Variants in MUC5AC observed in about 807,000 individuals in gnomAD.
MUC5AC encodes mucin 5AC, oligomeric mucus/gel-forming, also known as mucin-5AC.
In MUC5AC, 158 loss-of-function variants were observed where a neutral mutation model predicts 169.7. The ratio of observed to expected loss-of-function variants is 0.93; its 90% CI spans 0.82 to 1.06. The LOEUF is 1.06. Among genes scored for constraint, MUC5AC ranks in the 50% least tolerant of loss-of-function variants. MUC5AC has a pLI of 0.00. For synonymous variants in MUC5AC, 1,975 were observed against 1,237.0 expected, an observed-to-expected ratio of 1.60 and a Z score of -12.52; for missense variants, 4,359 against 3,089.9, an observed-to-expected ratio of 1.41 and a Z score of -9.74.
chr11:1,174,480 A>C lies in MUC5AC; in HGVS notation c.1966-16A>C, dbSNP rs1028579624. 1 of 1,487,058 alleles carries C rather than the reference A, an allele frequency of 6.7e-7. No individual in the cohort carries two copies. The highest frequency in any genetic ancestry group is 9.1e-7 in the Non-Finnish European group (1 of 1,101,160). 92.1% of individuals were successfully genotyped at this position (1,487,058 alleles called of 1,614,324 possible). The stretch of plus-strand genomic sequence containing the variant: ...GGCTGGGGTCTCTGATGCCCCGATG[A>C]CCCCCTTCCCTGCAGAACTGCATGT... On this transcript the variant is annotated splice_polypyrimidine_tract_variant and intron_variant, in intron 16 of 48. Transcript: ENST00000621226.
chr11:1,163,558 T>C (rs1860208605), intron 6 of MUC5AC, among the ~76,000 whole-genome samples: 1 of 151,596 alleles, frequency 6.6e-6, no homozygotes, highest in South Asian at 2.1e-4. Flanking sequence ...GACTGGGAGG[T>C]GTTCAGGCTC....
Position 1,186,868 on chromosome 11 carries a change from C to G in MUC5AC, c.8723C>G (p.Thr2908Arg), listed in dbSNP as rs1260808256. The change falls in exon 31 of 49, where the codon ACA (threonine) becomes AGA (arginine). Residue 2908 changes from threonine (T) to arginine (R), a missense_variant. Thr to Arg is a moderately conservative substitution (Grantham distance 71, BLOSUM62 -1). Transcript: ENST00000621226. ...ACAACCTCTGCTCCTACAACCAGCA[C>G]AACCTCTGCCCCTACAACCAGCACA... ...TRTTSAPTTS[T>R]TSAPTTSTTS... is the part of the protein sequence containing the mutation. 3 of 732,742 alleles carry G rather than the reference C, an allele frequency of 4.1e-6. No individual in the cohort carries two copies. Among genetic ancestry groups the G allele is most frequent in the Non-Finnish European group, 5.0e-6 (2 of 401,390 alleles). 45.4% of individuals were successfully genotyped at this position (732,742 alleles called of 1,614,324 possible). A position where few individuals can be genotyped will look rare whatever the true frequency, so the allele number is the denominator to read the frequency against.
chr11:1,159,588 C>T (rs1258361821), intron 1 of MUC5AC, among the ~76,000 whole-genome samples: 18,601 of 29,906 alleles, frequency 0.62, 7,721 homozygotes, highest in Non-Finnish European at 0.78. Flanking sequence ...CGGGGCTGTG[C>T]GGGGCTGTGC....
At position 1,161,494 on chromosome 11, in the gene MUC5AC, G is replaced by A. The variant is rs760668044; in HGVS notation, c.152-33G>A. 10 of 1,547,932 alleles carry A rather than the reference G, an allele frequency of 6.5e-6. No homozygotes were observed. In the East Asian group the frequency reaches 6.9e-5, roughly 11 times the overall value. ...CGGAGCCCCCGCCCCACGTGGGGCC[G>A]TGCGTGAATCCTACCAGCCCCTGTC... On this transcript the variant is annotated intron_variant, in intron 2 of 48. Coordinates refer to ENST00000621226, the MANE Select transcript of MUC5AC (RefSeq NM_001304359.2).
chr11:1,171,592 C>A (rs1860540169), intron 15 of MUC5AC, among the ~76,000 whole-genome samples: 1 of 145,232 alleles, frequency 6.9e-6, no homozygotes, highest in Non-Finnish European at 1.5e-5. Flanking sequence ...CACCCACTCA[C>A]CCACTCACTC....
At chr11:1,178,973 C>T (rs920310760) in intron 25 of MUC5AC, 119 bp from the exon 26 acceptor site, 47 of 437,910 alleles carry the variant, frequency 1.1e-4, no homozygotes, top group African/African-American at 6.4e-4. Context: ...GATGGGCATT[C>T]GCCCTCCCTG....
Position 1,185,100 on chromosome 11 carries a change from G to A in MUC5AC, c.6955G>A (p.Ala2319Thr). The change falls in exon 31 of 49, where the codon GCT (alanine) becomes ACT (threonine). Residue 2319 changes from alanine to threonine, a missense_variant. Physicochemically the swap from Ala to Thr is moderately conservative, Grantham distance 58. Transcript: ENST00000621226. ...TGTTCCTACCACCAGCACAATCTCTGCTCCTACAACTAGCATAACCTCTGC... is the reference window on the plus strand; with the variant it reads ...TGTTCCTACCACCAGCACAATCTCTACTCCTACAACTAGCATAACCTCTGC... ...SPVPTTSTISAPTTSITSAPT... is the reference protein window; with the variant it reads ...SPVPTTSTISTPTTSITSAPT... 1.4e-6 allele frequency: 1 copy of A among 715,070 alleles called. No homozygotes were observed. The allele number at this position is 715,070 out of a possible 1,614,324, so 44.3% of individuals were successfully genotyped here. A position where few individuals can be genotyped will look rare whatever the true frequency, so the allele number is the denominator to read the frequency against.
intron 40 of MUC5AC, 104 bp downstream of exon 40, chr11:1,197,012 C>T (rs1378439511): frequency 1.5e-6 from 1 of 682,196 alleles, no homozygotes; most frequent in South Asian, 1.6e-5. Flanking sequence ...GCTCAGGGGT[C>T]GGGGTGTCCT....
chr11:1,162,730 A>C, intron 5 of MUC5AC, 84 bp downstream of exon 5: 1 of 1,348,506 alleles, frequency 7.4e-7, no homozygotes, highest in Non-Finnish European at 1.1e-6. Flanking sequence ...GAGAGGGTAG[A>C]AGGTGCCCTG....
Position 1,184,948 on chromosome 11 carries a change from C to G in MUC5AC, c.6803C>G (p.Thr2268Arg). The G allele has an allele frequency of 7.5e-6, 5 of 662,468 alleles. No homozygotes were observed. The South Asian group carries it at 8.5e-5, about 11-fold the overall frequency. The allele number at this position is 662,468 out of a possible 1,614,324, so 41.0% of individuals were successfully genotyped here. A position where few individuals can be genotyped will look rare whatever the true frequency, so the allele number is the denominator to read the frequency against. Residue 2268 changes from threonine to arginine, a missense_variant, in exon 31 of 49, where the codon ACA (threonine) becomes AGA (arginine). Physicochemically the swap from Thr to Arg is moderately conservative, Grantham distance 71. Transcript: ENST00000621226. ...TSTTSTPQTS[T>R]TYAHTTSTTS... is the part of the protein sequence containing the mutation. ...ACAACCTCCACTCCACAGACCAGTA[C>G]AACCTATGCCCATACAACCAGCACA...
At chr11:1,193,330 T>TGGGGTGGGTGCTG (rs1436313614) in intron 32 of MUC5AC, among the ~76,000 whole-genome samples, 155 bp from the exon 33 acceptor site, 3 of 152,048 alleles carry the variant, frequency 2.0e-5, no homozygotes, top group African/African-American at 7.2e-5. Context: ...GCTCGGTGTC[T>TGGGGTGGGTGCTG]GGGGTGGGTG....
rs558978394 is a variant in MUC5AC, at chr11:1,161,332, C to T, written c.152-195C>T. ...CGGGAGGAATGAAAAAGTCACCGAACGCAGGGTGTGTGGTCACAAGTACAC... is the reference window on the plus strand; with the variant it reads ...CGGGAGGAATGAAAAAGTCACCGAATGCAGGGTGTGTGGTCACAAGTACAC... On this transcript the variant is annotated intron_variant, in intron 2 of 48. Coordinates refer to ENST00000621226, the MANE Select transcript of MUC5AC (RefSeq NM_001304359.2). 3.0e-5 allele frequency among the ~76,000 whole-genome samples: 4 copies of T among 133,822 alleles called. 1 individual carries two copies. Among genetic ancestry groups the T allele is most frequent in the South Asian group, 5.4e-4 (2 of 3,736 alleles). 87.8% of individuals were successfully genotyped at this position (133,822 alleles called of 152,430 possible).
Position 1,186,124 on chromosome 11 carries a change from C to G in MUC5AC, c.7979C>G (p.Pro2660Arg). 1.3e-6 allele frequency: 1 copy of G among 746,252 alleles called. No individual in the cohort carries two copies. The highest frequency in any genetic ancestry group is 2.5e-6 in the Non-Finnish European group (1 of 407,658). 46.2% of individuals were successfully genotyped at this position (746,252 alleles called of 1,614,324 possible). Residue 2660 changes from proline (P) to arginine (R), a missense_variant, in exon 31 of 49, where the codon CCC becomes CGC. Transcript: ENST00000621226. ...TSTTSGPGTT[P>R]SPVPTTSTIS... is the part of the protein sequence containing the mutation. ...ACAACCTCTGGTCCTGGAACTACTCCCAGCCCTGTTCCTACCACCAGCACA... is the reference window on the plus strand; with the variant it reads ...ACAACCTCTGGTCCTGGAACTACTCGCAGCCCTGTTCCTACCACCAGCACA...
At chr11:1,198,567 G>A (rs1024133339) in intron 43 of MUC5AC, among the ~76,000 whole-genome samples, 1 of 152,162 alleles carries the variant, frequency 6.6e-6, no homozygotes, top group African/African-American at 2.4e-5. Flanking sequence ...AGCACAGCCA[G>A]GCCTGGATCC....
intron 17 of MUC5AC, 44 bp downstream of exon 17, chr11:1,174,666 C>A: frequency 1.3e-6 from 1 of 788,158 alleles, no homozygotes; most frequent in South Asian, 1.7e-5. Context: ...GCTGGGTGGC[C>A]GCGGGTCTTG....
chr11:1,179,986 C>A, intron 26 of MUC5AC, 36 bp from the exon 27 acceptor site: 1 of 398,690 alleles, frequency 2.5e-6, no homozygotes, highest in East Asian at 3.6e-5. Context: ...GAGTGAGTTC[C>A]TGGGACCCCA....
chr11:1,198,763 G>A (rs1861347268), intron 43 of MUC5AC, 111 bp from the exon 44 acceptor site: 8 of 644,126 alleles, frequency 1.2e-5, no homozygotes, highest in African/African-American at 3.6e-5. Flanking sequence ...GGTAGGAAGC[G>A]GCCTGGAGGG....
chr11:1,186,403 C>A lies in MUC5AC; in HGVS notation c.8258C>A (p.Thr2753Lys). Residue 2753 changes from threonine (T) to lysine (K), a missense_variant, in exon 31 of 49, where the codon ACA becomes AAA. By Grantham distance (78) the Thr-to-Lys change is moderately conservative. Coordinates refer to ENST00000621226, the MANE Select transcript of MUC5AC (RefSeq NM_001304359.2). ...APTPRRTSAP[T>K]TSTISASTTS... Reference sequence around the variant, plus strand: ...ACACCCAGAAGAACCTCAGCCCCTACAACCAGCACAATCTCTGCCTCTACC... The same window carrying A: ...ACACCCAGAAGAACCTCAGCCCCTAAAACCAGCACAATCTCTGCCTCTACC... 1.4e-6 allele frequency: 1 copy of A among 705,408 alleles called. No homozygotes were observed. 43.7% of individuals were successfully genotyped at this position (705,408 alleles called of 1,614,324 possible). A position where few individuals can be genotyped will look rare whatever the true frequency, so the allele number is the denominator to read the frequency against.
chr11:1,184,168 C>T lies in MUC5AC; in HGVS notation c.6023C>T (p.Ala2008Val). Residue 2008 changes from alanine to valine, a missense_variant, in exon 31 of 49, where the codon GCA becomes GTA. Transcript: ENST00000621226. ...GAGAGCTTCCCCAACACGCCGCTGG[C>T]AGACCTGGGGCAGGACGTCATCTGC... The part of the protein sequence containing the change: ...RAESFPNTPL[A>V]DLGQDVICSH... 5.0e-6 allele frequency: 2 copies of T among 399,044 alleles called. No individual in the cohort carries two copies. The highest frequency in any genetic ancestry group is 8.8e-6 in the Non-Finnish European group (2 of 226,760). The allele number at this position is 399,044 out of a possible 1,614,324, so 24.7% of individuals were successfully genotyped here.
Sources: gnomAD v4.1 joint callset for allele counts (sites outside exome capture counted in the v4.1 genomes callset) on GRCh38, gnomAD v4.1.1 for gene constraint, MANE v1.5 for transcripts, NCBI Gene and HGNC (gene_info 2026-07-23, HGNC 2026-07-21) for gene names.